Variants in PHKB observed in about 807,000 individuals in gnomAD.
The protein encoded by PHKB is phosphorylase b kinase regulatory subunit beta.
Under a neutral mutation model 152.1 loss-of-function variants are expected in PHKB, and 122 were observed. The observed-to-expected ratio is 0.80, with a 90% CI of 0.69 to 0.93. The LOEUF is 0.93. Ranked by LOEUF, PHKB falls within the 40% of genes least tolerant of loss-of-function variation. PHKB has a pLI of 0.00. For missense variants in PHKB, 1,304 were observed against 1,328.4 expected, an observed-to-expected ratio of 0.98 and a Z score of 0.29; for synonymous variants, 436 against 464.9, an observed-to-expected ratio of 0.94 and a Z score of 0.80.
intron 7 of PHKB, chr16:47,566,342 G>A (rs1971566554): frequency 7.2e-7 from 1 of 1,380,056 alleles, no homozygotes; most frequent in Admixed American, 1.7e-5. Context: ...TTCTATCACA[G>A]CCAGAAGAAT....
chr16:47,685,025 T>TC (rs1373711432), intron 26 of PHKB, among the ~76,000 whole-genome samples: 1 of 152,172 alleles, frequency 6.6e-6, no homozygotes, highest in Non-Finnish European at 1.5e-5. Flanking sequence ...TCCATAACCT[T>TC]CATTATTTTG....
chr16:47,545,377 T>A (rs1397012220), intron 6 of PHKB, among the ~76,000 whole-genome samples: 1 of 152,208 alleles, frequency 6.6e-6, no homozygotes, highest in Non-Finnish European at 1.5e-5. Context: ...GATATGTAAT[T>A]CTGGGTTGAA....
chr16:47,680,656 T>A (rs915702612), intron 26 of PHKB, among the ~76,000 whole-genome samples: 4 of 152,214 alleles, frequency 2.6e-5, no homozygotes, highest in African/African-American at 9.6e-5. Flanking sequence ...GATTCTTCTC[T>A]CTTTTCTTCT....
intron 13 of PHKB, among the ~76,000 whole-genome samples, chr16:47,601,401 G>C (rs1972223467): frequency 6.6e-6 from 1 of 152,066 alleles, no homozygotes. Context: ...TAACATATCA[G>C]CTTTTAAAAA....
intron 12 of PHKB, 102 bp from the exon 13 acceptor site, chr16:47,596,270 TC>T (rs1972117299): frequency 1.2e-6 from 1 of 824,044 alleles, no homozygotes; most frequent in African/African-American, 1.7e-5. Context: ...TAAAACTCCT[TC>T]CTTTATAAAT....
At chr16:47,644,558 G>C (rs758515580) in intron 16 of PHKB, among the ~76,000 whole-genome samples, 1 of 152,166 alleles carries the variant, frequency 6.6e-6, no homozygotes, top group South Asian at 2.1e-4. Context: ...ATTTGAAATC[G>C]GTCCAAATCA....
intron 8 of PHKB, among the ~76,000 whole-genome samples, chr16:47,583,386 A>T (rs1487529801): frequency 6.6e-6 from 1 of 152,188 alleles, no homozygotes; most frequent in Non-Finnish European, 1.5e-5. Context: ...AAGAGCTGTG[A>T]TCTAATTAAA....
chr16:47,621,392 G>T (rs973869707), intron 14 of PHKB, among the ~76,000 whole-genome samples: 1 of 152,172 alleles, frequency 6.6e-6, no homozygotes, highest in African/African-American at 2.4e-5. Context: ...ATATGGACTT[G>T]TAGCGATTTC....
At chr16:47,526,231 A>C (rs1970764375) in intron 6 of PHKB, among the ~76,000 whole-genome samples, 1 of 152,130 alleles carries the variant, frequency 6.6e-6, no homozygotes, top group South Asian at 2.1e-4. Context: ...CAACATGGTG[A>C]AACCCTGTCT....
At position 47,669,368 on chromosome 16, in the gene PHKB, A is replaced by G. The variant is rs781008493; in HGVS notation, c.2581A>G (p.Ile861Val). ...QELVIHIGWI[I>V]SNNPELFSGM... ...ACTGGTCATCCATATTGGCTGGATC[A>G]TCTCCAATAACCCTGAGTTATTCAG... Residue 861 changes from isoleucine (I) to valine (V), a missense_variant, in exon 26 of 31, where the codon ATC becomes GTC. Physicochemically the swap from Ile to Val is conservative, Grantham distance 29 (BLOSUM62 3). Transcript: ENST00000323584. 9.3e-6 allele frequency: 15 copies of G among 1,614,088 alleles called. No homozygotes were observed. The highest frequency in any genetic ancestry group is 1.3e-5 in the African/African-American group (1 of 74,940).
chr16:47,484,291 T>C (rs1970013935), intron 1 of PHKB, among the ~76,000 whole-genome samples: 1 of 152,210 alleles, frequency 6.6e-6, no homozygotes, highest in Admixed American at 6.5e-5. Flanking sequence ...TTGGATAAGT[T>C]GAATAGGCAA....
chr16:47,700,040 T>A lies in PHKB; in HGVS notation c.*674T>A, dbSNP rs1261089310. 6.5e-6 allele frequency: 1 copy of A among 153,764 alleles called. No homozygotes were observed. The highest frequency in any genetic ancestry group is 1.9e-4 in the East Asian group (1 of 5,242). 9.5% of individuals were successfully genotyped at this position (153,764 alleles called of 1,614,324 possible). Reference sequence around the variant, plus strand: ...TCCTGCTAAAAATAGGACATGTCTATGATTGTTCAAAAATATGTTAAATTT... The same window carrying A: ...TCCTGCTAAAAATAGGACATGTCTAAGATTGTTCAAAAATATGTTAAATTT... On this transcript the variant is annotated 3_prime_UTR_variant, in exon 31 of 31. Transcript: ENST00000323584.
rs80113826 is a variant in PHKB at position 47,504,121 on chromosome 16, A to G, written c.405+1031A>G. Among the ~76,000 whole-genome samples, 806 of 152,316 alleles carry G rather than the reference A, an allele frequency of 5.3e-3. 16 individuals carry two copies. The East Asian group carries it at 0.077, about 14-fold the overall frequency. Reference sequence around the variant, plus strand: ...GCTATGGTTTATTACATGAGAGGAGACAAAGCATAATCAGCAAAGGGTCAA... The same window carrying G: ...GCTATGGTTTATTACATGAGAGGAGGCAAAGCATAATCAGCAAAGGGTCAA... On this transcript the variant is annotated intron_variant, in intron 4 of 30. Coordinates refer to ENST00000323584, the MANE Select transcript of PHKB (RefSeq NM_000293.3).
chr16:47,608,212 ACTT>A (rs1259560745), intron 13 of PHKB, among the ~76,000 whole-genome samples: 1 of 151,948 alleles, frequency 6.6e-6, no homozygotes, highest in Non-Finnish European at 1.5e-5. Flanking sequence ...TTATCTCTTT[ACTT>A]CTTTTATCAC....
intron 7 of PHKB, among the ~76,000 whole-genome samples, chr16:47,569,097 T>A (rs1971615369): frequency 6.6e-6 from 1 of 152,232 alleles, no homozygotes; most frequent in African/African-American, 2.4e-5. Context: ...CAGTGATCTA[T>A]GTAGTGCTGT....
chr16:47,555,446 A>G (rs1034216386), intron 7 of PHKB, among the ~76,000 whole-genome samples: 3 of 152,326 alleles, frequency 2.0e-5, no homozygotes, highest in Middle Eastern at 3.4e-3. Context: ...TCTTTTCCAT[A>G]AAAGCTTTGA....
intron 7 of PHKB, among the ~76,000 whole-genome samples, chr16:47,574,827 G>A (rs1416918440): frequency 6.6e-6 from 1 of 152,156 alleles, no homozygotes; most frequent in Non-Finnish European, 1.5e-5. Flanking sequence ...ATGAGACTTG[G>A]CAGGATCAAA....
chr16:47,642,835 TC>T (rs1396222114), intron 16 of PHKB, among the ~76,000 whole-genome samples: 1 of 151,936 alleles, frequency 6.6e-6, no homozygotes, highest in Non-Finnish European at 1.5e-5. Context: ...AATACAAGGA[TC>T]CCTAGAGTAG....
intron 7 of PHKB, among the ~76,000 whole-genome samples, chr16:47,560,028 T>C (rs1353661287): frequency 6.6e-6 from 1 of 152,226 alleles, no homozygotes; most frequent in African/African-American, 2.4e-5. Context: ...AAGTACTTCC[T>C]TCACTGGCAG....
Sources: gnomAD v4.1 joint callset for allele counts (sites outside exome capture counted in the v4.1 genomes callset) on GRCh38, gnomAD v4.1.1 for gene constraint, MANE v1.5 for transcripts, NCBI Gene and HGNC (gene_info 2026-07-23, HGNC 2026-07-21) for gene names.